Variants in PRKCQ observed in about 807,000 individuals in gnomAD.
PRKCQ encodes protein kinase C theta type.
PRKCQ carries 41 observed loss-of-function variants against 91.2 expected under a neutral mutation model. That is an observed-to-expected ratio of 0.45 (90% CI 0.35 to 0.58). The LOEUF (loss-of-function observed/expected upper bound fraction) is 0.58. PRKCQ is among the 20% of genes least tolerant of loss of function. The pLI, the probability that PRKCQ is intolerant of heterozygous loss-of-function variation, is 0.00. For synonymous variants in PRKCQ, 307 were observed against 316.9 expected, an observed-to-expected ratio of 0.97 and a Z score of 0.33; for missense variants, 673 against 896.5, an observed-to-expected ratio of 0.75 and a Z score of 3.18.
At chr10:6,490,107 G>C (rs1411233743) in intron 8 of PRKCQ, among the ~76,000 whole-genome samples, 1 of 151,942 alleles carries the variant, frequency 6.6e-6, no homozygotes, top group Non-Finnish European at 1.5e-5. Context: ...TTCTTGAACA[G>C]GGGTGTAGAG....
At chr10:6,470,681 T>C (rs1835911572) in intron 12 of PRKCQ, among the ~76,000 whole-genome samples, 1 of 152,026 alleles carries the variant, frequency 6.6e-6, no homozygotes. Context: ...CCAAGCGCGG[T>C]GGCTCATGCC....
chr10:6,578,409 C>T (rs1340368338), intron 1 of PRKCQ, among the ~76,000 whole-genome samples: 2 of 152,202 alleles, frequency 1.3e-5, no homozygotes, highest in Admixed American at 1.3e-4. Flanking sequence ...TGGATATTGA[C>T]ATTTTTAAAG....
At chr10:6,525,002 A>G (rs1360150233) in intron 1 of PRKCQ, among the ~76,000 whole-genome samples, 1 of 152,232 alleles carries the variant, frequency 6.6e-6, no homozygotes, top group Non-Finnish European at 1.5e-5. Flanking sequence ...TTACAGCTGA[A>G]CTACCAGGCA....
intron 1 of PRKCQ, among the ~76,000 whole-genome samples, chr10:6,551,164 CCT>C (rs1316317224): frequency 6.6e-6 from 1 of 152,052 alleles, no homozygotes; most frequent in Non-Finnish European, 1.5e-5. Flanking sequence ...CACCCTCCAC[CCT>C]CTGACAGGCC....
chr10:6,544,539 C>G (rs1258208779), intron 1 of PRKCQ, among the ~76,000 whole-genome samples: 1 of 152,104 alleles, frequency 6.6e-6, no homozygotes, highest in Non-Finnish European at 1.5e-5. Flanking sequence ...TGGTTCTATT[C>G]ATTCACCTGC....
chr10:6,546,901 G>A (rs188855138), intron 1 of PRKCQ, among the ~76,000 whole-genome samples: 55 of 152,240 alleles, frequency 3.6e-4, no homozygotes, highest in Non-Finnish European at 6.0e-4. Context: ...TTTGAGATAC[G>A]TCCCATCAAT....
At chr10:6,513,091 C>T (rs946575830) in intron 2 of PRKCQ, among the ~76,000 whole-genome samples, 1 of 152,120 alleles carries the variant, frequency 6.6e-6, no homozygotes, top group African/African-American at 2.4e-5. Flanking sequence ...TCATTCGCCA[C>T]GTTTGTAATC....
chr10:6,530,460 G>T (rs1839351954), intron 1 of PRKCQ, among the ~76,000 whole-genome samples: 1 of 152,258 alleles, frequency 6.6e-6, no homozygotes, highest in African/African-American at 2.4e-5. Flanking sequence ...AGTCCGCAGT[G>T]AGCTAACAGT....
At chr10:6,437,194 C>A (rs944715) in intron 16 of PRKCQ, among the ~76,000 whole-genome samples, 1 of 152,184 alleles carries the variant, frequency 6.6e-6, no homozygotes, top group Non-Finnish European at 1.5e-5. Flanking sequence ...TCAAAATACA[C>A]ATGTTGATGC....
At chr10:6,416,666 A>AT in the PRKCQ span, among the ~76,000 whole-genome samples, 1 of 152,192 alleles carries the variant, frequency 6.6e-6, no homozygotes, top group Non-Finnish European at 1.5e-5. Flanking sequence ...TTGTGCTGTT[A>AT]TAAGCATACA....
At chr10:6,429,199 G>A (rs973289821) in intron 17 of PRKCQ, among the ~76,000 whole-genome samples, 2 of 152,192 alleles carry the variant, frequency 1.3e-5, no homozygotes, top group South Asian at 2.1e-4. Context: ...GGCAGAACTG[G>A]GAATGTCCTT....
At chr10:6,448,628 TG>T (rs1425055631) in intron 15 of PRKCQ, among the ~76,000 whole-genome samples, 2 of 152,080 alleles carry the variant, frequency 1.3e-5, no homozygotes, top group Non-Finnish European at 2.9e-5. Flanking sequence ...ACTATGGTCT[TG>T]ATCTCCTGAC....
chr10:6,420,506 C>T, the PRKCQ span, among the ~76,000 whole-genome samples: 1 of 152,192 alleles, frequency 6.6e-6, no homozygotes, highest in Non-Finnish European at 1.5e-5. Context: ...CTTCAGTTCC[C>T]TCCCCTGAGA....
intron 1 of PRKCQ, among the ~76,000 whole-genome samples, chr10:6,518,488 C>A (rs1490214618): frequency 6.6e-6 from 1 of 151,874 alleles, no homozygotes; most frequent in East Asian, 1.9e-4. Context: ...CATTTTAAGT[C>A]CTAATTTAAG....
At chr10:6,500,433 A>G (rs1837842727) in intron 4 of PRKCQ, among the ~76,000 whole-genome samples, 1 of 151,136 alleles carries the variant, frequency 6.6e-6, no homozygotes. Flanking sequence ...TTATATACAT[A>G]TATGTCTACA....
At position 6,479,040 on chromosome 10, in the gene PRKCQ, G is replaced by C. The variant is rs1474892449; in HGVS notation, c.1305C>G (p.Ala435=). The C allele has an allele frequency of 1.2e-6, 2 of 1,614,168 alleles. No homozygotes were observed. The highest frequency in any genetic ancestry group is 3.3e-5 in the Admixed American group (2 of 60,018). ...TMVEKRVLSL[A]WEHPFLTHMF... is the part of the protein sequence containing the mutation. ...TGTGCGTCAGAAACGGATGCTCCCAGGCCAAGGAAAGAACTCTCTTCTCTA... is the reference window on the plus strand; with the variant it reads ...TGTGCGTCAGAAACGGATGCTCCCACGCCAAGGAAAGAACTCTCTTCTCTA... The change falls in exon 12 of 18, where the codon GCC becomes GCG. Residue 435 remains alanine, a synonymous_variant. Transcript: ENST00000263125.
intron 1 of PRKCQ, among the ~76,000 whole-genome samples, chr10:6,577,563 A>G (rs1276518424): frequency 6.6e-6 from 1 of 152,162 alleles, no homozygotes; most frequent in African/African-American, 2.4e-5. Context: ...ACACACACAC[A>G]CGGAATCACG....
rs749514220 is a variant in PRKCQ, at chr10:6,498,423, A to G, written c.515T>C (p.Phe172Ser). ...FTATFFPQPTFCSVCHEFVWG... is the reference protein window; with the variant it reads ...FTATFFPQPTSCSVCHEFVWG... ...GACAAACTCGTGGCAGACAGAGCAA[A>G]ATGTGGGCTGTGGGAAGAAGGTGGC... is the stretch of plus-strand genomic sequence containing the variant. Residue 172 changes from phenylalanine (F) to serine (S), a missense_variant, in exon 5 of 18, where the codon TTT (phenylalanine) becomes TCT (serine). Phe to Ser is a radical substitution (Grantham distance 155, BLOSUM62 -2). Coordinates refer to ENST00000263125, the MANE Select transcript of PRKCQ (RefSeq NM_006257.5). 6.2e-7 allele frequency: 1 copy of G among 1,614,120 alleles called. No individual in the cohort carries two copies. The highest frequency in any genetic ancestry group is 8.5e-7 in the Non-Finnish European group (1 of 1,180,016).
intron 1 of PRKCQ, among the ~76,000 whole-genome samples, chr10:6,556,555 C>G (rs1840425319): frequency 6.6e-6 from 1 of 151,296 alleles, no homozygotes; most frequent in Admixed American, 6.6e-5. Flanking sequence ...TGGAGAGTTA[C>G]TGCTTACTGG....
Sources: allele counts gnomAD v4.1 joint callset (sites outside exome capture counted in the v4.1 genomes callset), GRCh38; gene constraint gnomAD v4.1.1; transcripts MANE v1.5; gene names NCBI Gene and HGNC (gene_info 2026-07-23, HGNC 2026-07-21).